LAMC1: variants seen among roughly 807,000 people sequenced by gnomAD.
LAMC1 encodes laminin subunit gamma-1.
Under a neutral mutation model 173.6 loss-of-function variants are expected in LAMC1, and 38 were observed. The observed-to-expected ratio is 0.22, with a 90% CI of 0.17 to 0.29. LAMC1 has a LOEUF of 0.29. Ranked by LOEUF, LAMC1 falls within the 10% of genes least tolerant of loss-of-function variation. LAMC1 has a pLI of 1.00. For missense variants in LAMC1, 1,824 were observed against 2,051.8 expected (o/e 0.89, Z 2.14); for synonymous variants, 746 against 749.1 (o/e 1.00, Z 0.07).
At chr1:183,107,557 G>A (rs1406400777) in intron 2 of LAMC1, among the ~76,000 whole-genome samples, 1 of 152,216 alleles carries the variant, frequency 6.6e-6, no homozygotes, top group African/African-American at 2.4e-5. Context: ...GTGGCCAGGC[G>A]TGGTGGCTCA....
intron 1 of LAMC1, among the ~76,000 whole-genome samples, chr1:183,062,471 G>A (rs1483548751): frequency 2.0e-5 from 3 of 152,108 alleles, no homozygotes; most frequent in Non-Finnish European, 4.4e-5. Flanking sequence ...GGCCAACATG[G>A]CAAAACCCCT....
chr1:183,074,636 T>C (rs1655083998), intron 1 of LAMC1, among the ~76,000 whole-genome samples: 1 of 152,244 alleles, frequency 6.6e-6, no homozygotes. Flanking sequence ...AAGTACTTAC[T>C]GAAGGAAGAG....
At chr1:183,120,246 A>G (rs988075279) in intron 11 of LAMC1, among the ~76,000 whole-genome samples, 2 of 150,624 alleles carry the variant, frequency 1.3e-5, no homozygotes, top group African/African-American at 4.8e-5. Context: ...AGTAATTTGA[A>G]GTTGAGTAAG....
At position 183,143,669 on chromosome 1, in the gene LAMC1, ATTAG is replaced by A. The variant is rs1262491767; in HGVS notation, c.*885_*888del. ...TCAAACTAATTCTTACAGCTTTTTTATTAGTTAGTCTTGGAACTAGTGTTAAGTA... is the reference window on the plus strand; with the variant it reads ...TCAAACTAATTCTTACAGCTTTTTTATTAGTCTTGGAACTAGTGTTAAGTA... On this transcript the variant is annotated 3_prime_UTR_variant, in exon 28 of 28. Coordinates refer to ENST00000258341, the MANE Select transcript of LAMC1 (RefSeq NM_002293.4). 6.6e-5 allele frequency: 10 copies of A among 152,266 alleles called. No individual in the cohort carries two copies. The highest frequency in any genetic ancestry group is 3.3e-4 in the Admixed American group (5 of 15,284). The allele number at this position is 152,266 out of a possible 1,614,324, so 9.4% of individuals were successfully genotyped here.
intron 1 of LAMC1, among the ~76,000 whole-genome samples, chr1:183,078,739 G>A (rs1432451508): frequency 2.0e-5 from 3 of 151,964 alleles, no homozygotes; most frequent in South Asian, 2.1e-4. Flanking sequence ...GTCTGGGCAC[G>A]GTGGCTCACC....
chr1:183,118,781 T>G (rs1463716676), intron 11 of LAMC1, among the ~76,000 whole-genome samples: 1 of 152,226 alleles, frequency 6.6e-6, no homozygotes, highest in Non-Finnish European at 1.5e-5. Flanking sequence ...CATCTTCATT[T>G]CTTTTTATTT....
intron 1 of LAMC1, among the ~76,000 whole-genome samples, chr1:183,062,214 T>G (rs552627700): frequency 6.6e-6 from 1 of 152,352 alleles, no homozygotes; most frequent in African/African-American, 2.4e-5. Flanking sequence ...ATTAAAAAAG[T>G]TCAAAGTTTC....
At chr1:183,137,854 T>C (rs1342803541) in intron 26 of LAMC1, 27 bp downstream of exon 26, 4 of 1,575,302 alleles carry the variant, frequency 2.5e-6, no homozygotes, top group South Asian at 1.2e-5. Context: ...TATTTGCTCA[T>C]TGGCAGAAAG....
At chr1:183,101,778 G>T (rs955083695) in intron 1 of LAMC1, among the ~76,000 whole-genome samples, 1 of 152,156 alleles carries the variant, frequency 6.6e-6, no homozygotes, top group African/African-American at 2.4e-5. Flanking sequence ...TGTTCTTTCT[G>T]TTATGCCACA....
intron 1 of LAMC1, among the ~76,000 whole-genome samples, chr1:183,053,776 C>G (rs1015919478): frequency 1.3e-5 from 2 of 152,066 alleles, no homozygotes; most frequent in Non-Finnish European, 2.9e-5. Flanking sequence ...CAGGCGCACA[C>G]CATCATGCCT....
chr1:183,023,503 CGCGCGGGGGCAGT>C lies in LAMC1; in HGVS notation c.-212_-200del. 4.2e-6 allele frequency: 1 copy of C among 237,370 alleles called. No individual in the cohort carries two copies. Among genetic ancestry groups the C allele is most frequent in the Non-Finnish European group, 7.9e-6 (1 of 127,194 alleles). The allele number at this position is 237,370 out of a possible 1,614,324, so 14.7% of individuals were successfully genotyped here. ...GTAGGTGAGGGAAGCGCGGAGGCGGCGCGCGGGGGCAGTGGTCGGCGAGCAGCGCGGTCCTCGC... is the reference window on the plus strand; with the variant it reads ...GTAGGTGAGGGAAGCGCGGAGGCGGCGGTCGGCGAGCAGCGCGGTCCTCGC... On this transcript the variant is annotated 5_prime_UTR_variant, in exon 1 of 28. Transcript: ENST00000258341.
At chr1:183,088,726 A>C (rs1244374575) in intron 1 of LAMC1, among the ~76,000 whole-genome samples, 2 of 152,248 alleles carry the variant, frequency 1.3e-5, no homozygotes, top group Non-Finnish European at 2.9e-5. Context: ...ATGATAATAC[A>C]AGTTGAAAGT....
At chr1:183,036,977 T>C (rs2102011741) in intron 1 of LAMC1, among the ~76,000 whole-genome samples, 2 of 152,186 alleles carry the variant, frequency 1.3e-5, no homozygotes, top group East Asian at 3.9e-4. Context: ...GGTTTTGCCA[T>C]GTTGGTCAGG....
Position 183,032,552 on chromosome 1 carries a change from C to T in LAMC1, c.418+8418C>T, listed in dbSNP as rs1653873443. Among the ~76,000 whole-genome samples the T allele has an allele frequency of 2.0e-5, 3 of 151,962 alleles. No homozygotes were observed. In the South Asian group the frequency reaches 6.2e-4, roughly 32 times the overall value. On this transcript the variant is annotated intron_variant, in intron 1 of 27. Coordinates refer to ENST00000258341, the MANE Select transcript of LAMC1 (RefSeq NM_002293.4). ...TTTTATTTTTAAAGAGACAAAGTCTCACTCTGTTGCCTAAGCTGGAAGTGC... is the reference window on the plus strand; with the variant it reads ...TTTTATTTTTAAAGAGACAAAGTCTTACTCTGTTGCCTAAGCTGGAAGTGC...
chr1:183,031,406 G>A (rs1653846292), intron 1 of LAMC1, among the ~76,000 whole-genome samples: 2 of 152,170 alleles, frequency 1.3e-5, no homozygotes, highest in African/African-American at 4.8e-5. Context: ...CTGGGTTCAA[G>A]CTATTCTTCT....
chr1:183,115,527 A>G lies in LAMC1; in HGVS notation c.1218A>G (p.Leu406=), dbSNP rs760606426. The G allele has an allele frequency of 1.2e-6, 2 of 1,612,200 alleles. No homozygotes were observed. Among genetic ancestry groups the G allele is most frequent in the Non-Finnish European group, 1.7e-6 (2 of 1,178,324 alleles). Residue 406 remains leucine (L), a synonymous_variant, in exon 6 of 28, where the codon CTA becomes CTG. Coordinates refer to ENST00000258341, the MANE Select transcript of LAMC1 (RefSeq NM_002293.4). ...AGGCATTTTACATTTTAGGCTCTCT[A>G]AGCACACAGTGTGATAGTTACGGCA... ...SSCHCSPVGS[L]STQCDSYGRC...
intron 1 of LAMC1, among the ~76,000 whole-genome samples, chr1:183,093,131 G>C (rs1655607499): frequency 6.6e-6 from 1 of 152,084 alleles, no homozygotes; most frequent in Non-Finnish European, 1.5e-5. Context: ...GCGATTTAGG[G>C]CTCTCCCCTG....
At chr1:183,128,251 A>T (rs4651142) in intron 17 of LAMC1, among the ~76,000 whole-genome samples, 78,349 of 151,516 alleles carry the variant, frequency 0.52, 20,894 homozygotes, top group South Asian at 0.65. Context: ...AGAGCTTAAG[A>T]CTCATCAGCA....
chr1:183,083,182 C>G (rs1655332695), intron 1 of LAMC1, among the ~76,000 whole-genome samples: 1 of 152,126 alleles, frequency 6.6e-6, no homozygotes, highest in Non-Finnish European at 1.5e-5. Flanking sequence ...GGTAGATTCC[C>G]TACTATTGCC....
Sources: allele counts gnomAD v4.1 joint callset (sites outside exome capture counted in the v4.1 genomes callset), GRCh38; gene constraint gnomAD v4.1.1; transcripts MANE v1.5; gene names NCBI Gene and HGNC (gene_info 2026-07-23, HGNC 2026-07-21).